Variants in UST observed in about 807,000 individuals in gnomAD.
UST encodes the protein chondroitin sulfate 2-O-sulfotransferase.
In UST, 21 loss-of-function variants were observed where a neutral mutation model predicts 45.6. The ratio of observed to expected loss-of-function variants is 0.46; its 90% CI spans 0.33 to 0.66. The LOEUF is 0.66. UST is among the 30% of genes least tolerant of loss of function. The probability of loss-of-function intolerance (pLI) is 0.02; values close to 1 mark genes in which losing one functional copy is unlikely to be tolerated. For synonymous variants in UST, 215 were observed against 200.6 expected (o/e 1.07, Z -0.61); for missense variants, 463 against 512.4 (o/e 0.90, Z 0.93).
chr6:148,840,604 A>G (rs543738324), intron 1 of UST, among the ~76,000 whole-genome samples: 30 of 152,288 alleles, frequency 2.0e-4, no homozygotes, highest in African/African-American at 7.2e-4. Context: ...GGACCTGTGG[A>G]TACGAAAAGT....
At chr6:148,861,857 G>C (rs1778320326) in intron 1 of UST, among the ~76,000 whole-genome samples, 1 of 152,218 alleles carries the variant, frequency 6.6e-6, no homozygotes, top group Admixed American at 6.5e-5. Context: ...ACTGAGGTCT[G>C]ACAGACAGTT....
rs76773255 is a variant in UST at position 148,814,534 on chromosome 6, A to G, written c.247+66857A>G. On this transcript the variant is annotated intron_variant, in intron 1 of 7. Transcript: ENST00000367463. ...TTGAGCAAGAAATTCTTGCAGATTT[A>G]TGACACCCGATGCCTGAACTCTGTG... Among the ~76,000 whole-genome samples the G allele has an allele frequency of 8.3e-3, 1,265 of 152,164 alleles. 19 individuals are homozygous for G. Among genetic ancestry groups the G allele is most frequent in the African/African-American group, 0.029 (1,208 of 41,502 alleles).
intron 1 of UST, among the ~76,000 whole-genome samples, chr6:148,862,068 C>T (rs894970997): frequency 3.3e-5 from 5 of 150,884 alleles, no homozygotes; most frequent in African/African-American, 7.3e-5. Flanking sequence ...CTTTCTGTCT[C>T]ATGGATCTGT....
intron 3 of UST, among the ~76,000 whole-genome samples, chr6:148,943,969 G>T (rs1473145890): frequency 6.6e-6 from 1 of 152,166 alleles, no homozygotes; most frequent in African/African-American, 2.4e-5. Context: ...AAAAGGACAA[G>T]AAACCCAGTT....
chr6:149,029,033 A>AT (rs1160944258), intron 7 of UST, among the ~76,000 whole-genome samples: 1 of 152,106 alleles, frequency 6.6e-6, no homozygotes, highest in African/African-American at 2.4e-5. Flanking sequence ...ATGTCTCTCC[A>AT]TTTTCTCAAG....
chr6:148,886,907 G>T, intron 1 of UST, 79 bp from the exon 2 acceptor site: 1 of 1,173,072 alleles, frequency 8.5e-7, no homozygotes, highest in Non-Finnish European at 1.3e-6. Flanking sequence ...TAACTAGAAT[G>T]CTTATCTTCA....
rs560135684 is a variant in UST at position 148,956,359 on chromosome 6, A to C, written c.527+2408A>C. The stretch of plus-strand genomic sequence containing the variant: ...AGAATCATGGCAGGAGTCGAAAGGC[A>C]CTTCTTACATGGTGGCGGCAAGAGA... On this transcript the variant is annotated intron_variant, in intron 4 of 7. Coordinates refer to ENST00000367463, the MANE Select transcript of UST (RefSeq NM_005715.3). 4.3e-5 allele frequency among the ~76,000 whole-genome samples: 6 copies of C among 138,640 alleles called. No individual in the cohort carries two copies. In the Admixed American group the frequency reaches 4.6e-4, roughly 11 times the overall value. The allele number at this position is 138,640 out of a possible 152,430, so 91.0% of individuals were successfully genotyped here.
intron 1 of UST, among the ~76,000 whole-genome samples, chr6:148,882,082 G>A (rs888185175): frequency 4.6e-5 from 7 of 152,190 alleles, no homozygotes; most frequent in Non-Finnish European, 8.8e-5. Context: ...AACCATGGGA[G>A]CACGGTGATC....
intron 1 of UST, among the ~76,000 whole-genome samples, chr6:148,880,751 A>C (rs9390623): frequency 0.072 from 10,980 of 152,170 alleles, 700 homozygotes; most frequent in African/African-American, 0.18. Context: ...CATATTAGGC[A>C]GGGTGTGGTG....
At chr6:148,974,778 C>T (rs1780984981) in intron 5 of UST, among the ~76,000 whole-genome samples, 1 of 152,224 alleles carries the variant, frequency 6.6e-6, no homozygotes, top group African/African-American at 2.4e-5. Context: ...TAAAAAATGG[C>T]TCTGCATTTC....
chr6:148,835,715 G>T (rs947621559), intron 1 of UST, among the ~76,000 whole-genome samples: 5 of 152,184 alleles, frequency 3.3e-5, no homozygotes, highest in Admixed American at 3.3e-4. Flanking sequence ...GGGGGCTTTA[G>T]TGTTTTCCAA....
At chr6:148,917,782 C>A in intron 2 of UST, among the ~76,000 whole-genome samples, 1 of 152,134 alleles carries the variant, frequency 6.6e-6, no homozygotes, top group Non-Finnish European at 1.5e-5. Context: ...AAGTGGAGGA[C>A]ATGAAGGAGC....
intron 4 of UST, among the ~76,000 whole-genome samples, chr6:148,958,344 C>G (rs576756598): frequency 3.7e-4 from 56 of 152,262 alleles, no homozygotes; most frequent in African/African-American, 1.3e-3. Context: ...GGGACTTATG[C>G]ACAGCGAGCT....
chr6:148,950,201 A>G (rs1780338674), intron 3 of UST, among the ~76,000 whole-genome samples: 1 of 152,128 alleles, frequency 6.6e-6, no homozygotes, highest in African/African-American at 2.4e-5. Context: ...CTTCCCCCAG[A>G]GTTCCTTCTA....
intron 4 of UST, among the ~76,000 whole-genome samples, chr6:148,957,199 T>G (rs948977010): frequency 6.6e-6 from 1 of 152,162 alleles, no homozygotes; most frequent in Non-Finnish European, 1.5e-5. Context: ...AGCAACCTCT[T>G]CCTCTCTTCA....
chr6:148,822,118 G>A (rs1036353996), intron 1 of UST, among the ~76,000 whole-genome samples: 1 of 152,212 alleles, frequency 6.6e-6, no homozygotes, highest in African/African-American at 2.4e-5. Context: ...TCTGGGTGCT[G>A]TGTTTGCACA....
In UST at chr6:148,747,479, C is replaced by G; in HGVS notation, c.49C>G (p.His17Asp). The stretch of plus-strand genomic sequence containing the variant: ...CGGCGGCGGCGCGGATCCCTGGCCC[C>G]ATGGGGCCCCTATGGGGGGCGCCCC... ...HPGGGADPWP[H>D]GAPMGGAPPG... Residue 17 changes from histidine (H) to aspartate (D), a missense_variant, in exon 1 of 8, where the codon CAT (histidine) becomes GAT (aspartate). His to Asp is a moderately conservative substitution (Grantham distance 81). Transcript: ENST00000367463. 1 of 1,489,786 alleles carries G rather than the reference C, an allele frequency of 6.7e-7. No homozygotes were observed. The highest frequency in any genetic ancestry group is 1.3e-5 in the South Asian group (1 of 76,442). The allele number at this position is 1,489,786 out of a possible 1,614,324, so 92.3% of individuals were successfully genotyped here. A position where few individuals can be genotyped will look rare whatever the true frequency, so the allele number is the denominator to read the frequency against.
chr6:148,815,030 G>A lies in UST; in HGVS notation c.247+67353G>A, dbSNP rs75761301. ...AAAAGATTGAAAGCAACATAAATCT[G>A]CATTAAAGACACTTATTAAAAAAAC... On this transcript the variant is annotated intron_variant, in intron 1 of 7. Transcript: ENST00000367463. Among the ~76,000 whole-genome samples, 1,037 of 152,260 alleles carry A rather than the reference G, an allele frequency of 6.8e-3. 11 individuals carry two copies. The highest frequency in any genetic ancestry group is 0.024 in the African/African-American group (981 of 41,536).
At position 149,019,256 on chromosome 6, in the gene UST, C is replaced by G. The variant is rs912687845; in HGVS notation, c.779+20C>G. 1.9e-6 allele frequency: 3 copies of G among 1,585,304 alleles called. No homozygotes were observed. Among genetic ancestry groups the G allele is most frequent in the Non-Finnish European group, 1.7e-6 (2 of 1,154,052 alleles). On this transcript the variant is annotated intron_variant, in intron 6 of 7. Transcript: ENST00000367463. ...ATGCAGGTAAGGGCTAAAGCAGGGT[C>G]ATGGCATGCACGTACGCACAACAAG...
Sources: allele counts gnomAD v4.1 joint callset (sites outside exome capture counted in the v4.1 genomes callset), GRCh38; gene constraint gnomAD v4.1.1; transcripts MANE v1.5; gene names NCBI Gene and HGNC (gene_info 2026-07-23, HGNC 2026-07-21).